ANK2: variants seen among roughly 807,000 people sequenced by gnomAD.
ANK2 encodes ankyrin 2.
In ANK2, 83 loss-of-function variants were observed where a neutral mutation model predicts 360.5. The ratio of observed to expected loss-of-function variants is 0.23; its 90% CI spans 0.19 to 0.28. ANK2 has a LOEUF of 0.28. Among genes scored for constraint, ANK2 ranks in the 10% least tolerant of loss-of-function variants. The pLI is 1.00. For missense variants in ANK2, 4,201 were observed against 4,795.7 expected (o/e 0.88, Z 3.66); for synonymous variants, 1,740 against 1,759.5 (o/e 0.99, Z 0.28).
At chr4:112,875,778 C>T (rs2150342039) in intron 1 of ANK2, among the ~76,000 whole-genome samples, 1 of 150,880 alleles carries the variant, frequency 6.6e-6, no homozygotes, top group Non-Finnish European at 1.5e-5. Flanking sequence ...CTCACTCTTC[C>T]CTCAGGCTGG....
chr4:113,160,720 G>C (rs1211508478), intron 1 of ANK2, among the ~76,000 whole-genome samples: 1 of 152,162 alleles, frequency 6.6e-6, no homozygotes, highest in Non-Finnish European at 1.5e-5. Flanking sequence ...GGAGGGCCAG[G>C]CCAACTGGGG....
chr4:113,244,487 T>G (rs1236642190), intron 9 of ANK2, among the ~76,000 whole-genome samples: 1 of 152,194 alleles, frequency 6.6e-6, no homozygotes, highest in Non-Finnish European at 1.5e-5. Flanking sequence ...GTGGTCAGTT[T>G]AGAGCTAGCA....
chr4:113,117,067 GT>G, intron 1 of ANK2: 1 of 351,228 alleles, frequency 2.8e-6, no homozygotes, highest in Non-Finnish European at 5.6e-6. Context: ...GGAGGTCTCG[GT>G]TTGGGACCTT....
intron 2 of ANK2, among the ~76,000 whole-genome samples, chr4:113,013,988 T>C (rs1378425493): frequency 1.3e-5 from 2 of 152,164 alleles, no homozygotes; most frequent in Admixed American, 6.5e-5. Flanking sequence ...CAATCTTGTA[T>C]GTGGAATTTG....
intron 1 of ANK2, among the ~76,000 whole-genome samples, chr4:113,147,585 A>G (rs140572161): frequency 1.3e-5 from 2 of 152,330 alleles, no homozygotes; most frequent in East Asian, 3.9e-4. Flanking sequence ...TTCAGAAATG[A>G]TATTCTGCCC....
In ANK2 at chr4:113,182,198, A is replaced by C. The variant is rs187239407; in HGVS notation, c.186+7681A>C. The stretch of plus-strand genomic sequence containing the variant: ...GGCATGAGGGTTGAGGTCACAATGG[A>C]AAGAATGAGAGCTGAAGTTTTATTA... On this transcript the variant is annotated intron_variant, in intron 2 of 45. Coordinates refer to ENST00000357077, the MANE Select transcript of ANK2 (RefSeq NM_001148.6). 3.5e-3 allele frequency among the ~76,000 whole-genome samples: 537 copies of C among 152,308 alleles called. 4 individuals are homozygous for C. The highest frequency in any genetic ancestry group is 0.012 in the African/African-American group (514 of 41,576).
intron 15 of ANK2, among the ~76,000 whole-genome samples, chr4:113,274,868 A>G (rs1284976708): frequency 2.0e-5 from 3 of 152,182 alleles, no homozygotes; most frequent in African/African-American, 4.8e-5. Context: ...ATTAATGCCA[A>G]TGTTTCTAGG....
chr4:113,158,626 C>A (rs753330349), intron 1 of ANK2, among the ~76,000 whole-genome samples: 3 of 152,102 alleles, frequency 2.0e-5, no homozygotes, highest in African/African-American at 7.2e-5. Flanking sequence ...ATGCTGGGCT[C>A]CCATTTTGAA....
the ANK2 span, among the ~76,000 whole-genome samples, chr4:112,760,343 C>T: frequency 6.6e-6 from 1 of 151,954 alleles, no homozygotes; most frequent in Non-Finnish European, 1.5e-5. Flanking sequence ...CCTGCTACCA[C>T]GCCCGGCTAA....
chr4:112,745,858 A>G, the ANK2 span, among the ~76,000 whole-genome samples: 22 of 152,092 alleles, frequency 1.4e-4, no homozygotes, highest in East Asian at 4.3e-3. Flanking sequence ...TATTCATTCT[A>G]TCTAAATATA....
chr4:113,258,275 G>A (rs1332945134), intron 12 of ANK2, 38 bp from the exon 13 acceptor site: 2 of 1,603,680 alleles, frequency 1.2e-6, no homozygotes, highest in East Asian at 2.2e-5. Context: ...AGCCCCACCG[G>A]TGCAGAGGAG....
chr4:113,225,622 A>G (rs2153508706), intron 4 of ANK2, among the ~76,000 whole-genome samples: 1 of 152,282 alleles, frequency 6.6e-6, no homozygotes, highest in South Asian at 2.1e-4. Context: ...TATCCAAAAC[A>G]TTGGTGTTAA....
chr4:113,364,315 A>T (rs528902381), intron 40 of ANK2, among the ~76,000 whole-genome samples: 30 of 152,314 alleles, frequency 2.0e-4, no homozygotes, highest in African/African-American at 6.3e-4. Context: ...TGACCAGAAC[A>T]TTGTTTTCTA....
chr4:112,987,388 A>G (rs1238321697), intron 2 of ANK2, among the ~76,000 whole-genome samples: 3 of 152,140 alleles, frequency 2.0e-5, no homozygotes, highest in Non-Finnish European at 4.4e-5. Flanking sequence ...GACAAACAAC[A>G]ACCCTTTAAT....
chr4:113,231,317 G>A (rs574996642), intron 4 of ANK2, among the ~76,000 whole-genome samples: 95 of 152,090 alleles, frequency 6.2e-4, no homozygotes, highest in African/African-American at 2.2e-3. Flanking sequence ...CTCCCAAAGT[G>A]CTGGGATTAC....
At chr4:113,332,665 G>A (rs1178827396) in intron 28 of ANK2, among the ~76,000 whole-genome samples, 3 of 152,216 alleles carry the variant, frequency 2.0e-5, no homozygotes, top group Non-Finnish European at 4.4e-5. Flanking sequence ...CAATGTGTGA[G>A]CCATTTTCCT....
rs1276438357 is a variant in ANK2 at position 113,255,810 on chromosome 4, G to A, written c.1066G>A (p.Ala356Thr). 6.2e-7 allele frequency: 1 copy of A among 1,614,190 alleles called. No individual in the cohort carries two copies. Residue 356 changes from alanine to threonine, a missense_variant, in exon 11 of 46, where the codon GCA becomes ACA. Ala to Thr is a moderately conservative substitution (Grantham distance 58, BLOSUM62 0). This residue lies in a region of ANK2 where 1,268 missense variants were observed against 1,650.8 expected (regional missense o/e 0.77). Coordinates refer to ENST00000357077, the MANE Select transcript of ANK2 (RefSeq NM_001148.6). Reference sequence around the variant, plus strand: ...TGTGAAGCACCTGTTACAGCACAAGGCACCTGTTGATGATGTCACCCTAGA... The same window carrying A: ...TGTGAAGCACCTGTTACAGCACAAGACACCTGTTGATGATGTCACCCTAGA... ...ECVKHLLQHK[A>T]PVDDVTLDYL...
At chr4:113,314,890 G>A (rs887043955) in intron 24 of ANK2, among the ~76,000 whole-genome samples, 2 of 152,136 alleles carry the variant, frequency 1.3e-5, no homozygotes, top group Non-Finnish European at 2.9e-5. Flanking sequence ...AGTAAGTAGA[G>A]GAGGCTAGAA....
chr4:113,205,408 T>C (rs1361674214), intron 4 of ANK2, among the ~76,000 whole-genome samples: 4 of 152,186 alleles, frequency 2.6e-5, no homozygotes, highest in Non-Finnish European at 4.4e-5. Flanking sequence ...CATCTTATTT[T>C]AATATCAAGT....
Sources: gnomAD v4.1 joint callset for allele counts (sites outside exome capture counted in the v4.1 genomes callset) on GRCh38, gnomAD v4.1.1 for gene constraint, gnomAD v4.1.1 regional missense constraint, MANE v1.5 for transcripts, NCBI Gene and HGNC (gene_info 2026-07-23, HGNC 2026-07-21) for gene names.